MYO15B: variants seen among roughly 807,000 people sequenced by gnomAD.
The protein encoded by MYO15B is myosin XVB pseudogene.
In MYO15B, 207 loss-of-function variants were observed where a neutral mutation model predicts 119.3. The observed-to-expected ratio is 1.73, with a 90% CI of 1.55 to 1.95. The LOEUF (loss-of-function observed/expected upper bound fraction) is 1.95. Ranked by LOEUF, MYO15B falls within the 30% of genes most tolerant of loss-of-function variation. The pLI is 0.00. For synonymous variants in MYO15B, 966 were observed against 498.9 expected, an observed-to-expected ratio of 1.94 and a Z score of -12.48; for missense variants, 2,264 against 1,203.1, an observed-to-expected ratio of 1.88 and a Z score of -13.04.
At chr17:75,621,069 C>T in exon 50 of MYO15B, 1 of 702,864 alleles carries the variant, frequency 1.4e-6, no homozygotes, top group East Asian at 2.7e-5. Flanking sequence ...ACAGTGACGA[C>T]TCGGAGGCCA....
In MYO15B at chr17:75,602,659, C is replaced by G. The variant is rs2147858747; in HGVS notation, c.3729+65C>G. On this transcript the variant is annotated intron_variant, in intron 16 of 63. Coordinates refer to ENST00000645453, the Ensembl canonical transcript of MYO15B. Reference sequence around the variant, plus strand: ...TCTGTCCCCCAATTCTGTCCTTTTCCCCCTGGGCGCTCTTGCCCAAGGGTT... The same window carrying G: ...TCTGTCCCCCAATTCTGTCCTTTTCGCCCTGGGCGCTCTTGCCCAAGGGTT... The G allele has an allele frequency of 4.9e-6, 3 of 613,614 alleles. No homozygotes were observed. The East Asian group carries it at 8.2e-5, about 17-fold the overall frequency. The allele number at this position is 613,614 out of a possible 1,614,324, so 38.0% of individuals were successfully genotyped here. A position where few individuals can be genotyped will look rare whatever the true frequency, so the allele number is the denominator to read the frequency against.
At position 75,618,156 on chromosome 17, in the gene MYO15B, C is replaced by T. The variant is rs965197457; in HGVS notation, c.6958C>T (p.Pro2320Ser). 4 of 703,156 alleles carry T rather than the reference C, an allele frequency of 5.7e-6. No homozygotes were observed. In the African/African-American group the frequency reaches 7.0e-5, roughly 12 times the overall value. The allele number at this position is 703,156 out of a possible 1,614,324, so 43.6% of individuals were successfully genotyped here. The stretch of plus-strand genomic sequence containing the variant: ...CTACCCACGGGAGAACTTCAGCCAT[C>T]CCTACTACCTGAGGCTCCTCTGTGA... The change falls in exon 43 of 64, where the codon CCC becomes TCC. Residue 2320 changes from proline to serine, a missense_variant. By Grantham distance (74) the Pro-to-Ser change is moderately conservative. Transcript: ENST00000645453.
chr17:75,593,432 T>C (rs59842915), intron 9 of MYO15B, among the ~76,000 whole-genome samples: 8,231 of 151,916 alleles, frequency 0.054, 729 homozygotes, highest in African/African-American at 0.18. Context: ...ACCCTGTCTC[T>C]ACTAAAAATA....
chr17:75,588,081 G>A (rs2056178385), exon 1 of MYO15B: 2 of 398,200 alleles, frequency 5.0e-6, no homozygotes, highest in Admixed American at 8.8e-5. Flanking sequence ...AGCGCAAAGC[G>A]CCCCAGCGCC....
exon 1 of MYO15B, chr17:75,588,376 G>T (rs1339575528): frequency 2.0e-5 from 8 of 398,506 alleles, no homozygotes; most frequent in Non-Finnish European, 3.5e-5. Context: ...GGGCGGCCGC[G>T]GGGGGCGCCT....
chr17:75,601,294 C>A, intron 14 of MYO15B, 144 bp from the exon 15 acceptor site: 1 of 586,024 alleles, frequency 1.7e-6, no homozygotes, highest in Non-Finnish European at 3.1e-6. Context: ...CCACCTCGGC[C>A]TCCCAAAGCG....
chr17:75,588,099 G>A (rs1326157655), exon 1 of MYO15B: 9 of 398,196 alleles, frequency 2.3e-5, no homozygotes, highest in African/African-American at 8.2e-5. Context: ...GCCTGGAGAG[G>A]CCCGGGAGGC....
rs7359652 is a variant in MYO15B at position 75,598,439 on chromosome 17, G to A, written c.3525+1540G>A. Among the ~76,000 whole-genome samples the A allele has an allele frequency of 3.1e-3, 468 of 149,552 alleles. 3 individuals are homozygous for A. Among genetic ancestry groups the A allele is most frequent in the African/African-American group, 0.011 (455 of 40,696 alleles). On this transcript the variant is annotated intron_variant, in intron 14 of 63. Coordinates refer to ENST00000645453, the Ensembl canonical transcript of MYO15B. Reference sequence around the variant, plus strand: ...TAAAAATACAAAAAATTAGCCGGGCGTGATAGTGGGCGCCTGTAGTCCCAG... The same window carrying A: ...TAAAAATACAAAAAATTAGCCGGGCATGATAGTGGGCGCCTGTAGTCCCAG...
intron 14 of MYO15B, among the ~76,000 whole-genome samples, chr17:75,599,575 G>A (rs949277866): frequency 1.3e-5 from 2 of 151,798 alleles, no homozygotes; most frequent in Admixed American, 6.6e-5. Context: ...ACAAGCCACC[G>A]CACCTGGCCT....
chr17:75,615,350 C>T lies in MYO15B; in HGVS notation c.5740+12C>T. On this transcript the variant is annotated intron_variant, in intron 34 of 63. Coordinates refer to ENST00000645453, the Ensembl canonical transcript of MYO15B. The stretch of plus-strand genomic sequence containing the variant: ...CCCTGCCATGCCAGGTAAGTCTGGG[C>T]TGGGGGCACCAGAGTCCCTTCTCAG... 5.7e-6 allele frequency: 4 copies of T among 701,030 alleles called. No individual in the cohort carries two copies. Among genetic ancestry groups the T allele is most frequent in the Non-Finnish European group, 1.0e-5 (4 of 383,814 alleles). 43.4% of individuals were successfully genotyped at this position (701,030 alleles called of 1,614,324 possible).
chr17:75,594,140 CTGG>C (rs1478058507), intron 9 of MYO15B, among the ~76,000 whole-genome samples: 7,882 of 150,910 alleles, frequency 0.052, 682 homozygotes, highest in African/African-American at 0.18. Flanking sequence ...TGTTATGTAC[CTGG>C]GTACTGTGTA....
exon 58 of MYO15B, chr17:75,624,603 G>C (rs1038973610): frequency 5.7e-6 from 4 of 702,916 alleles, no homozygotes; most frequent in South Asian, 1.5e-5. Flanking sequence ...GCCTCAGGAA[G>C]TGCAGGAATT....
chr17:75,620,486 C>T (rs1293776043), exon 49 of MYO15B: 3 of 702,642 alleles, frequency 4.3e-6, no homozygotes, highest in East Asian at 2.7e-5. Flanking sequence ...TTGGCTCTGC[C>T]GGGGGCCGTT....
exon 33 of MYO15B, chr17:75,614,979 G>T (rs2058276577): frequency 1.4e-6 from 1 of 702,970 alleles, no homozygotes; most frequent in South Asian, 1.5e-5. Flanking sequence ...ACAAAGCTGG[G>T]CTCTGAGCAG....
chr17:75,607,037 C>T, intron 21 of MYO15B: 2 of 398,406 alleles, frequency 5.0e-6, no homozygotes, highest in Middle Eastern at 6.3e-4. Context: ...GACGGGGCCT[C>T]CCAGGCTGGT....
At chr17:75,624,242 C>A (rs1420655447) in exon 56 of MYO15B, 2 of 702,938 alleles carry the variant, frequency 2.8e-6, no homozygotes, top group East Asian at 5.4e-5. Flanking sequence ...GGCGGATGCC[C>A]CCACCGGGTG....
In MYO15B at chr17:75,614,210, C is replaced by T. The variant is rs569097054; in HGVS notation, c.5231C>T (p.Ala1744Val). ...CCCCTCCCACCCAGAGGCCTGGAGG[C>T]GCCTCCCCGGGGCTGGTCTGTGTCA... The change falls in exon 30 of 64, where the codon GCG becomes GTG. Residue 1744 changes from alanine to valine, a missense_variant. Transcript: ENST00000645453. 58 of 702,442 alleles carry T rather than the reference C, an allele frequency of 8.3e-5. No individual in the cohort carries two copies. In the African/African-American group the frequency reaches 8.4e-4, roughly 10 times the overall value. The allele number at this position is 702,442 out of a possible 1,614,324, so 43.5% of individuals were successfully genotyped here. A position where few individuals can be genotyped will look rare whatever the true frequency, so the allele number is the denominator to read the frequency against.
At chr17:75,607,106 G>A in intron 21 of MYO15B, 1 of 395,346 alleles carries the variant, frequency 2.5e-6, no homozygotes, top group Non-Finnish European at 4.5e-6. Flanking sequence ...GTAACTCGAG[G>A]GCTGAGAATG....
intron 9 of MYO15B, among the ~76,000 whole-genome samples, chr17:75,593,938 AG>A (rs1252921201): frequency 2.0e-4 from 30 of 150,746 alleles, no homozygotes; most frequent in African/African-American, 7.1e-4. Context: ...AAAAAAAAAA[AG>A]ATTAGCTGGG....
Sources: allele counts gnomAD v4.1 joint callset (sites outside exome capture counted in the v4.1 genomes callset), GRCh38; gene constraint gnomAD v4.1.1; transcripts MANE v1.5; gene names NCBI Gene and HGNC (gene_info 2026-07-23, HGNC 2026-07-21).